The following FN3KRP variants were observed in gnomAD, a reference collection of about 807,000 sequenced individuals.
FN3KRP encodes the protein fructosamine 3 kinase related protein.
In FN3KRP, 33 loss-of-function variants were observed where a neutral mutation model predicts 29.8. The ratio of observed to expected loss-of-function variants is 1.11; its 90% CI spans 0.84 to 1.48. The LOEUF is 1.48. Among genes scored for constraint, FN3KRP ranks in the 40% most tolerant of loss-of-function variants. The pLI, the probability that FN3KRP is intolerant of heterozygous loss-of-function variation, is 0.00. For synonymous variants in FN3KRP, 157 were observed against 155.2 expected, an observed-to-expected ratio of 1.01 and a Z score of -0.09; for missense variants, 430 against 402.6, an observed-to-expected ratio of 1.07 and a Z score of -0.58.
chr17:82,725,013 G>A (rs903536065), intron 4 of FN3KRP, among the ~76,000 whole-genome samples: 6 of 151,550 alleles, frequency 4.0e-5, no homozygotes, highest in African/African-American at 7.3e-5. Context: ...GGGTTCCACC[G>A]TGTTAGCCAG....
intron 4 of FN3KRP, among the ~76,000 whole-genome samples, chr17:82,723,609 G>T (rs544373640): frequency 7.0e-6 from 1 of 143,312 alleles, no homozygotes; most frequent in East Asian, 2.1e-4. Flanking sequence ...GTATGTGCAC[G>T]CATGTGTGCA....
chr17:82,720,173 T>TA (rs1279543824), intron 2 of FN3KRP, 99 bp from the exon 3 acceptor site: 1 of 918,168 alleles, frequency 1.1e-6, no homozygotes, highest in Non-Finnish European at 1.7e-6. Context: ...CTCAAAAAAA[T>TA]AAAAAAGTTT....
At chr17:82,718,415 G>A (rs2046774695) in intron 1 of FN3KRP, 2 of 988,142 alleles carry the variant, frequency 2.0e-6, no homozygotes, top group South Asian at 4.6e-5. Context: ...CTGGGCAGGA[G>A]GTGGCATGGA....
chr17:82,720,702 C>T (rs1480350846), intron 3 of FN3KRP: 2 of 193,800 alleles, frequency 1.0e-5, no homozygotes, highest in East Asian at 2.5e-4. Context: ...AGGGTCTGTT[C>T]CTGTAAAACA....
At chr17:82,722,492 C>T in intron 3 of FN3KRP, 1 of 307,890 alleles carries the variant, frequency 3.2e-6, no homozygotes, top group Non-Finnish European at 6.1e-6. Flanking sequence ...AGACAGGTCC[C>T]CTGAGAGGTG....
chr17:82,726,850 G>A lies in FN3KRP; in HGVS notation c.609G>A (p.Leu203=). Reference sequence around the variant, plus strand: ...CCCTGCAGTTAAAGATCCCTGACCTGTTCCGTGACCTGGAGATCATCCCAG... The same window carrying A: ...CCCTGCAGTTAAAGATCCCTGACCTATTCCGTGACCTGGAGATCATCCCAG... ...WSALQLKIPD[L]FRDLEIIPAL... is the part of the protein sequence containing the mutation. The change falls in exon 6 of 6, where the codon CTG becomes CTA. Residue 203 remains leucine, a synonymous_variant. Transcript: ENST00000269373. 1 of 1,547,016 alleles carries A rather than the reference G, an allele frequency of 6.5e-7. No individual in the cohort carries two copies. The highest frequency in any genetic ancestry group is 8.7e-7 in the Non-Finnish European group (1 of 1,148,950).
chr17:82,725,101 G>A (rs1415891233), intron 4 of FN3KRP, among the ~76,000 whole-genome samples: 8 of 151,490 alleles, frequency 5.3e-5, no homozygotes, highest in Non-Finnish European at 5.9e-5. Flanking sequence ...ATGAGCCACC[G>A]TGCCTGGCCA....
chr17:82,723,076 T>C (rs1303357219), intron 4 of FN3KRP, among the ~76,000 whole-genome samples, 190 bp downstream of exon 4: 3 of 152,124 alleles, frequency 2.0e-5, no homozygotes, highest in Admixed American at 6.5e-5. Flanking sequence ...ATGAAGAAAC[T>C]GAGGAGGACC....
chr17:82,727,400 GGGATGTAT>G lies in FN3KRP; in HGVS notation c.*233_*240del, dbSNP rs2046846376. On this transcript the variant is annotated 3_prime_UTR_variant, in exon 6 of 6. Coordinates refer to ENST00000269373, the MANE Select transcript of FN3KRP (RefSeq NM_024619.4). ...ACACTACAGGCAGGGTATGAGCAGA[GGGATGTAT>G]GGAGTGTGGGTGACTCTGAGCCTCA... 2 of 469,826 alleles carry G rather than the reference GGGATGTAT, an allele frequency of 4.3e-6. No individual in the cohort carries two copies. The highest frequency in any genetic ancestry group is 3.8e-6 in the Non-Finnish European group (1 of 262,590). 29.1% of individuals were successfully genotyped at this position (469,826 alleles called of 1,614,324 possible). A position where few individuals can be genotyped will look rare whatever the true frequency, so the allele number is the denominator to read the frequency against.
intron 2 of FN3KRP, among the ~76,000 whole-genome samples, chr17:82,719,719 C>T (rs766374208): frequency 1.3e-5 from 2 of 151,876 alleles, no homozygotes; most frequent in Non-Finnish European, 2.9e-5. Context: ...CGCACCACTG[C>T]ACTCTAGCCT....
At chr17:82,722,018 G>A (rs1218236229) in intron 3 of FN3KRP, among the ~76,000 whole-genome samples, 1 of 149,896 alleles carries the variant, frequency 6.7e-6, no homozygotes, top group Non-Finnish European at 1.5e-5. Context: ...ATTTGTAGTA[G>A]AGATGGGGTT....
chr17:82,718,506 G>A (rs1598332114), intron 1 of FN3KRP: 2 of 993,834 alleles, frequency 2.0e-6, no homozygotes, highest in African/African-American at 1.7e-5. Flanking sequence ...CTGAGAGGTC[G>A]GGTGAGTCTG....
At chr17:82,724,218 T>C (rs1378857844) in intron 4 of FN3KRP, among the ~76,000 whole-genome samples, 2 of 151,806 alleles carry the variant, frequency 1.3e-5, no homozygotes, top group Non-Finnish European at 2.9e-5. Flanking sequence ...TGCTTAAGCC[T>C]GGGAATTGAA....
Position 82,726,958 on chromosome 17 carries a change from C to T in FN3KRP, c.717C>T (p.Tyr239=), listed in dbSNP as rs771793858. 2.0e-5 allele frequency: 33 copies of T among 1,613,730 alleles called. No individual in the cohort carries two copies. The highest frequency in any genetic ancestry group is 8.9e-5 in the East Asian group (4 of 44,882). Residue 239 remains tyrosine (Y), a synonymous_variant, in exon 6 of 6, where the codon TAC becomes TAT. Coordinates refer to ENST00000269373, the MANE Select transcript of FN3KRP (RefSeq NM_024619.4). ...GPVIFDPASF[Y]GHSEYELAIA... is the part of the protein sequence containing the mutation. ...TGATTTTTGACCCAGCTTCTTTCTA[C>T]GGCCACTCGGAATATGAGCTGGCAA...
chr17:82,718,567 G>A (rs894705809), intron 1 of FN3KRP: 103 of 1,061,784 alleles, frequency 9.7e-5, no homozygotes, highest in Non-Finnish European at 1.1e-4. Flanking sequence ...TGAGGACACT[G>A]ACAGGTAACC....
At chr17:82,722,506 G>A (rs1046864792) in intron 3 of FN3KRP, 3 of 327,230 alleles carry the variant, frequency 9.2e-6, no homozygotes, top group South Asian at 4.7e-5. Context: ...AGAGGTGCCC[G>A]CAGGCTGCCT....
Position 82,716,790 on chromosome 17 carries a change from G to C in FN3KRP, c.35G>C (p.Ser12Thr). The C allele has an allele frequency of 1.3e-6, 2 of 1,544,522 alleles. No individual in the cohort carries two copies. Among genetic ancestry groups the C allele is most frequent in the South Asian group, 2.4e-5 (2 of 82,936 alleles). Residue 12 changes from serine (S) to threonine (T), a missense_variant, in exon 1 of 6, where the codon AGC becomes ACC. Transcript: ENST00000269373. ...EELLRRELGCSSVRATGHSGG... is the reference protein window; with the variant it reads ...EELLRRELGCTSVRATGHSGG... Reference sequence around the variant, plus strand: ...CTCCTGAGGCGCGAGCTGGGCTGCAGCTCTGTCAGGGCCACGGGCCACTCG... The same window carrying C: ...CTCCTGAGGCGCGAGCTGGGCTGCACCTCTGTCAGGGCCACGGGCCACTCG...
intron 2 of FN3KRP, 80 bp from the exon 3 acceptor site, chr17:82,720,190 CTT>C (rs962293057): frequency 1.7e-6 from 2 of 1,160,310 alleles, no homozygotes; most frequent in African/African-American, 3.1e-5. Context: ...GTTTGACCCT[CTT>C]TATGTGCCCT....
chr17:82,719,958 G>A (rs1320149852), intron 2 of FN3KRP, among the ~76,000 whole-genome samples: 1 of 152,190 alleles, frequency 6.6e-6, no homozygotes, highest in Non-Finnish European at 1.5e-5. Flanking sequence ...TGAGGTCAGA[G>A]TTTGAGACCA....
Sources: allele counts gnomAD v4.1 joint callset (sites outside exome capture counted in the v4.1 genomes callset), GRCh38; gene constraint gnomAD v4.1.1; transcripts MANE v1.5; gene names NCBI Gene and HGNC (gene_info 2026-07-23, HGNC 2026-07-21).